Variants in MALRD1 observed in about 807,000 individuals in gnomAD.
MALRD1 encodes the protein MAM and LDL-receptor class A domain-containing protein 1.
Under a neutral mutation model 242.1 loss-of-function variants are expected in MALRD1, and 247 were observed. That is an observed-to-expected ratio of 1.02 (90% CI 0.92 to 1.13). The LOEUF (loss-of-function observed/expected upper bound fraction) is 1.13, where lower values mean the gene tolerates loss of function less well. MALRD1 is among the 50% of genes most tolerant of loss of function. MALRD1 has a pLI of 0.00. For synonymous variants in MALRD1, 995 were observed against 866.6 expected (o/e 1.15, Z -2.60); for missense variants, 2,989 against 2,533.1 (o/e 1.18, Z -3.86).
At chr10:19,078,693 T>C (rs1368429858) in intron 2 of MALRD1, among the ~76,000 whole-genome samples, 2 of 151,950 alleles carry the variant, frequency 1.3e-5, no homozygotes, top group Admixed American at 1.3e-4. Context: ...TGATTTACTC[T>C]CTTGTTACAA....
At chr10:19,131,292 G>A (rs1033533274) in intron 8 of MALRD1, among the ~76,000 whole-genome samples, 1 of 152,128 alleles carries the variant, frequency 6.6e-6, no homozygotes, top group African/African-American at 2.4e-5. Context: ...GATAAGCCAA[G>A]AAATATCTAG....
At position 19,236,007 on chromosome 10, in the gene MALRD1, C is replaced by T. The variant is rs1276429760; in HGVS notation, c.2992-21677C>T. Among the ~76,000 whole-genome samples, 5 of 151,980 alleles carry T rather than the reference C, an allele frequency of 3.3e-5. No individual in the cohort carries two copies. The South Asian group carries it at 1.0e-3, about 32-fold the overall frequency. On this transcript the variant is annotated intron_variant, in intron 18 of 39. Transcript: ENST00000454679. ...TAAGATAATAAACATATAGAGATAG[C>T]TGAAAATGTGGGACTGGATTACAAA...
intron 2 of MALRD1, among the ~76,000 whole-genome samples, chr10:19,082,919 G>A (rs1835540266): frequency 6.6e-6 from 1 of 152,026 alleles, no homozygotes; most frequent in Non-Finnish European, 1.5e-5. Flanking sequence ...TATAGGCTGG[G>A]AAGTCCAAGA....
rs1395951134 is a variant in MALRD1, at chr10:19,498,514, AATT to A, written c.5189_5191del (p.Asn1730_Phe1731delinsIle). The A allele has an allele frequency of 1.7e-5, 26 of 1,550,292 alleles. No homozygotes were observed. Among genetic ancestry groups the A allele is most frequent in the Non-Finnish European group, 2.3e-5 (26 of 1,146,782 alleles). ...TTATACAAGCACAACAGGAAGCTGC[AATT>A]TTGAAACAAGTTCAGGAAACTGGAC... On this transcript the variant is annotated inframe_deletion, in exon 31 of 40. Transcript: ENST00000454679.
intron 26 of MALRD1, among the ~76,000 whole-genome samples, chr10:19,383,060 A>G (rs185069673): frequency 4.6e-5 from 7 of 152,306 alleles, no homozygotes; most frequent in Middle Eastern, 3.4e-3. Context: ...GAACAACTCT[A>G]TGTTCACAGT....
chr10:19,209,204 A>T, intron 17 of MALRD1, 64 bp from the exon 18 acceptor site: 1 of 1,335,262 alleles, frequency 7.5e-7, no homozygotes, highest in Non-Finnish European at 9.9e-7. Flanking sequence ...ATTAATAAAT[A>T]GAATGTGGTT....
chr10:19,596,686 G>T (rs1471098985), intron 34 of MALRD1, among the ~76,000 whole-genome samples: 2 of 151,768 alleles, frequency 1.3e-5, no homozygotes, highest in African/African-American at 2.4e-5. Flanking sequence ...AACTATGATT[G>T]TGCCACTGTA....
At chr10:19,058,390 A>T (rs1419666169) in intron 1 of MALRD1, among the ~76,000 whole-genome samples, 1 of 152,206 alleles carries the variant, frequency 6.6e-6, no homozygotes, top group Non-Finnish European at 1.5e-5. Context: ...ACGAAGCCAT[A>T]ATCTTTATTG....
At chr10:19,687,577 C>G (rs1249269681) in intron 36 of MALRD1, among the ~76,000 whole-genome samples, 1 of 152,156 alleles carries the variant, frequency 6.6e-6, no homozygotes, top group Non-Finnish European at 1.5e-5. Context: ...TCTATAGGAG[C>G]CTTCACCCTT....
At chr10:19,108,387 CTTT>C (rs35948766) in intron 5 of MALRD1, among the ~76,000 whole-genome samples, 16 of 19,754 alleles carry the variant, frequency 8.1e-4, no homozygotes, top group Non-Finnish European at 1.1e-3. Context: ...ATTGTTTTTT[CTTT>C]TTTTTTTTTT....
chr10:19,479,159 TAC>T (rs1836877319), intron 29 of MALRD1, among the ~76,000 whole-genome samples: 1 of 152,254 alleles, frequency 6.6e-6, no homozygotes, highest in African/African-American at 2.4e-5. Flanking sequence ...ATGATTATAA[TAC>T]AGTTTCTTCC....
chr10:19,136,598 A>T lies in MALRD1; in HGVS notation c.1228A>T (p.Ser410Cys). 8.1e-7 allele frequency: 1 copy of T among 1,231,542 alleles called. No individual in the cohort carries two copies. The highest frequency in any genetic ancestry group is 1.0e-6 in the Non-Finnish European group (1 of 987,810). 76.3% of individuals were successfully genotyped at this position (1,231,542 alleles called of 1,614,324 possible). A position where few individuals can be genotyped will look rare whatever the true frequency, so the allele number is the denominator to read the frequency against. Residue 410 changes from serine (S) to cysteine (C), a missense_variant, in exon 10 of 40, where the codon AGC becomes TGC. Physicochemically the swap from Ser to Cys is moderately radical, Grantham distance 112. Transcript: ENST00000454679. ...FKIIFEGTLL[S>C]QRSFIALDHL... Reference sequence around the variant, plus strand: ...GATTATTTTTGAAGGGACTCTTTTGAGCCAGAGAAGTTTTATTGCCCTTGA... The same window carrying T: ...GATTATTTTTGAAGGGACTCTTTTGTGCCAGAGAAGTTTTATTGCCCTTGA...
At chr10:19,363,024 G>T (rs1021348600) in intron 26 of MALRD1, among the ~76,000 whole-genome samples, 3 of 152,032 alleles carry the variant, frequency 2.0e-5, no homozygotes, top group Non-Finnish European at 4.4e-5. Context: ...AGATTTCATG[G>T]GGGAGAGTTC....
At chr10:19,731,023 G>A (rs1195156509) in intron 39 of MALRD1, among the ~76,000 whole-genome samples, 2 of 152,126 alleles carry the variant, frequency 1.3e-5, no homozygotes, top group Non-Finnish European at 2.9e-5. Flanking sequence ...ACTGTTAAAT[G>A]GTGTTGTGGT....
intron 21 of MALRD1, among the ~76,000 whole-genome samples, chr10:19,293,622 G>A (rs886975270): frequency 6.6e-6 from 1 of 152,110 alleles, no homozygotes; most frequent in Non-Finnish European, 1.5e-5. Flanking sequence ...TGGATTTGAA[G>A]GCCATCATAT....
chr10:19,049,840 G>T (rs1834432075), intron 1 of MALRD1, among the ~76,000 whole-genome samples: 1 of 152,204 alleles, frequency 6.6e-6, no homozygotes, highest in South Asian at 2.1e-4. Context: ...AGCTTACCAA[G>T]GGAAGACGTG....
intron 36 of MALRD1, among the ~76,000 whole-genome samples, chr10:19,639,700 A>G (rs1840300512): frequency 6.6e-6 from 1 of 152,184 alleles, no homozygotes; most frequent in Admixed American, 6.5e-5. Flanking sequence ...GAAAGTTAGT[A>G]TGCTCTCTGA....
At chr10:19,562,297 G>GTAGA (rs78473002) in intron 32 of MALRD1, among the ~76,000 whole-genome samples, 37,798 of 144,488 alleles carry the variant, frequency 0.26, 5,243 homozygotes, top group Non-Finnish European at 0.29. Flanking sequence ...GCTGTCTTAG[G>GTAGA]TAGATAGATA....
chr10:19,595,260 G>A lies in MALRD1; in HGVS notation c.5747G>A (p.Cys1916Tyr), dbSNP rs1838024532. 2.6e-6 allele frequency: 4 copies of A among 1,550,430 alleles called. No homozygotes were observed. The highest frequency in any genetic ancestry group is 1.7e-6 in the Non-Finnish European group (2 of 1,146,916). The stretch of plus-strand genomic sequence containing the variant: ...TTTTCTTGTATCTACACACTCCAAT[G>A]TGTCCCTCTCTCAGGGAAATGTGAT... ...DQFSCIYTLQ[C>Y]VPLSGKCDGH... Residue 1916 changes from cysteine (C) to tyrosine (Y), a missense_variant, in exon 34 of 40, where the codon TGT (cysteine) becomes TAT (tyrosine). Coordinates refer to ENST00000454679, the MANE Select transcript of MALRD1 (RefSeq NM_001142308.3).
Sources: allele counts gnomAD v4.1 joint callset (sites outside exome capture counted in the v4.1 genomes callset), GRCh38; gene constraint gnomAD v4.1.1; transcripts MANE v1.5; gene names NCBI Gene and HGNC (gene_info 2026-07-23, HGNC 2026-07-21).